The following ME1 variants were observed in gnomAD, a reference collection of about 807,000 sequenced individuals.
ME1 encodes the protein NADP-dependent malic enzyme.
In ME1, 74 loss-of-function variants were observed where a neutral mutation model predicts 66.4. The observed-to-expected ratio is 1.11, with a 90% CI of 0.92 to 1.35. ME1 has a LOEUF of 1.35. Ranked by LOEUF, ME1 falls within the 40% of genes most tolerant of loss-of-function variation. The probability of loss-of-function intolerance (pLI) is 0.00; values close to 1 mark genes in which losing one functional copy is unlikely to be tolerated. For synonymous variants in ME1, 251 were observed against 235.6 expected (o/e 1.07, Z -0.60); for missense variants, 750 against 694.1 (o/e 1.08, Z -0.90).
intron 11 of ME1, among the ~76,000 whole-genome samples, chr6:83,226,341 T>C (rs1048167111): frequency 1.3e-5 from 2 of 152,170 alleles, no homozygotes; most frequent in Non-Finnish European, 2.9e-5. Context: ...TGAGATATAT[T>C]AAGACAAAAT....
intron 6 of ME1, among the ~76,000 whole-genome samples, chr6:83,309,272 C>T (rs1283627082): frequency 1.3e-5 from 2 of 151,382 alleles, no homozygotes; most frequent in Non-Finnish European, 3.0e-5. Context: ...GGCTAAAGGG[C>T]AATAAAGGAG....
At chr6:83,256,691 G>A (rs1766778542) in intron 6 of ME1, among the ~76,000 whole-genome samples, 1 of 152,022 alleles carries the variant, frequency 6.6e-6, no homozygotes, top group African/African-American at 2.4e-5. Flanking sequence ...CCATTACTGG[G>A]TATATACCCA....
At chr6:83,327,655 T>G (rs1428010096) in intron 5 of ME1, among the ~76,000 whole-genome samples, 2 of 152,208 alleles carry the variant, frequency 1.3e-5, no homozygotes, top group African/African-American at 2.4e-5. Context: ...TCATTAGCAA[T>G]TTTAATTTCG....
At chr6:83,270,598 A>G (rs746048078) in intron 6 of ME1, among the ~76,000 whole-genome samples, 9 of 152,260 alleles carry the variant, frequency 5.9e-5, no homozygotes, top group East Asian at 1.9e-4. Context: ...AAAAATAGCA[A>G]TCCTGACTAA....
chr6:83,315,273 T>C (rs1382279871), intron 6 of ME1, 37 bp downstream of exon 6: 2 of 1,252,074 alleles, frequency 1.6e-6, no homozygotes, highest in Admixed American at 1.9e-5. Context: ...TATGTTATTG[T>C]TACTGACTAA....
At chr6:83,290,950 T>C (rs111955158) in intron 6 of ME1, among the ~76,000 whole-genome samples, 5,918 of 152,190 alleles carry the variant, frequency 0.039, 390 homozygotes, top group African/African-American at 0.13. Flanking sequence ...CCCTGCTTTT[T>C]TTTTGCTTTG....
intron 3 of ME1, among the ~76,000 whole-genome samples, chr6:83,377,552 C>T (rs747228406): frequency 6.6e-6 from 1 of 152,036 alleles, no homozygotes; most frequent in Non-Finnish European, 1.5e-5. Flanking sequence ...TTTGGAAATA[C>T]TTAAATTTAA....
chr6:83,402,519 C>T (rs1188058671), intron 2 of ME1, among the ~76,000 whole-genome samples: 1 of 152,126 alleles, frequency 6.6e-6, no homozygotes, highest in Non-Finnish European at 1.5e-5. Flanking sequence ...CACCACATGC[C>T]TCTGAATTAA....
intron 3 of ME1, among the ~76,000 whole-genome samples, chr6:83,372,370 G>A (rs1461340852): frequency 1.3e-5 from 2 of 152,074 alleles, no homozygotes; most frequent in Non-Finnish European, 2.9e-5. Context: ...ACTTTCCTAG[G>A]ACAACAAAAG....
At chr6:83,216,129 G>A (rs1330020926) in intron 13 of ME1, among the ~76,000 whole-genome samples, 1 of 152,124 alleles carries the variant, frequency 6.6e-6, no homozygotes, top group Non-Finnish European at 1.5e-5. Context: ...AGGTCTAAAT[G>A]TTACTCTAAC....
At chr6:83,236,107 T>C (rs78830179) in intron 9 of ME1, among the ~76,000 whole-genome samples, 487 of 152,242 alleles carry the variant, frequency 3.2e-3, no homozygotes, top group African/African-American at 0.011. Flanking sequence ...ATGAATCCTT[T>C]ACCATGTCAT....
intron 5 of ME1, among the ~76,000 whole-genome samples, chr6:83,316,143 T>C (rs913626199): frequency 2.0e-5 from 3 of 152,160 alleles, no homozygotes; most frequent in African/African-American, 7.2e-5. Flanking sequence ...AGCAAAATTA[T>C]CAAACAATGG....
chr6:83,239,459 G>T, intron 8 of ME1, 80 bp downstream of exon 8: 3 of 973,504 alleles, frequency 3.1e-6, no homozygotes, highest in East Asian at 4.8e-5. Flanking sequence ...GAAAGAATAC[G>T]TCAAATCTTG....
chr6:83,378,774 T>A (rs1389650247), intron 3 of ME1, among the ~76,000 whole-genome samples: 1 of 151,746 alleles, frequency 6.6e-6, no homozygotes, highest in African/African-American at 2.4e-5. Context: ...ACTGGCTTAA[T>A]ACATAAATGA....
At chr6:83,291,220 G>T (rs9444064) in intron 6 of ME1, among the ~76,000 whole-genome samples, 4,382 of 152,270 alleles carry the variant, frequency 0.029, 216 homozygotes, top group African/African-American at 0.099. Context: ...AGCATTGATG[G>T]TCTTTACAAT....
chr6:83,427,218 T>C (rs1770389923), intron 1 of ME1, among the ~76,000 whole-genome samples: 2 of 152,214 alleles, frequency 1.3e-5, no homozygotes, highest in Admixed American at 6.5e-5. Context: ...CCCAATTGTT[T>C]TGATGAAATC....
chr6:83,218,115 A>G (rs1476099382), intron 12 of ME1, among the ~76,000 whole-genome samples: 4 of 152,120 alleles, frequency 2.6e-5, no homozygotes, highest in African/African-American at 9.7e-5. Context: ...AGAATTGGTC[A>G]TCAGGGTCCC....
chr6:83,322,215 C>T (rs1035214087), intron 5 of ME1, among the ~76,000 whole-genome samples: 2 of 152,144 alleles, frequency 1.3e-5, no homozygotes, highest in Admixed American at 6.6e-5. Flanking sequence ...CACAAAAAGG[C>T]TGAAAATTCC....
intron 6 of ME1, among the ~76,000 whole-genome samples, chr6:83,254,404 G>T (rs1319831687): frequency 1.3e-5 from 2 of 152,076 alleles, no homozygotes; most frequent in Admixed American, 1.3e-4. Flanking sequence ...CATTCATGAA[G>T]GTTGAGTCCT....
Sources: gnomAD v4.1 joint callset for allele counts (sites outside exome capture counted in the v4.1 genomes callset) on GRCh38, gnomAD v4.1.1 for gene constraint, MANE v1.5 for transcripts, NCBI Gene and HGNC (gene_info 2026-07-23, HGNC 2026-07-21) for gene names.